Variants in SLC5A4 observed in about 807,000 individuals in gnomAD.
SLC5A4 encodes probable glucose sensor protein SLC5A4.
In SLC5A4, 55 loss-of-function variants were observed where a neutral mutation model predicts 70.3. The ratio of observed to expected loss-of-function variants is 0.78; its 90% CI spans 0.63 to 0.98. SLC5A4 has a LOEUF of 0.98. SLC5A4 is among the 50% of genes least tolerant of loss of function. The pLI is 0.00. For synonymous variants in SLC5A4, 268 were observed against 305.7 expected, an observed-to-expected ratio of 0.88 and a Z score of 1.29; for missense variants, 735 against 839.2, an observed-to-expected ratio of 0.88 and a Z score of 1.53.
At chr22:32,311,761 A>C in the SLC5A4 span, among the ~76,000 whole-genome samples, 2 of 152,042 alleles carry the variant, frequency 1.3e-5, no homozygotes, top group South Asian at 2.1e-4. Context: ...GCTTAGCCAG[A>C]ATGTGCTGAG....
At chr22:32,240,817 C>T (rs190178014) in intron 5 of SLC5A4, among the ~76,000 whole-genome samples, 126 of 152,280 alleles carry the variant, frequency 8.3e-4, no homozygotes, top group Admixed American at 1.2e-3. Flanking sequence ...AGGATTTAAA[C>T]CTGTGTGGTG....
chr22:32,225,762 GA>G lies in SLC5A4; in HGVS notation c.1341del (p.Gln448LysfsTer5). ...SIVWVPLVQV[S>X]QNGQLIHYTE... ...GTGTAATGGATTAGTTGTCCATTTT[GA>G]GAAACTTGTACCAGTGGGACCCACA... On this transcript the variant is annotated frameshift_variant, in exon 12 of 15. Transcript: ENST00000266086. LOFTEE classifies it high-confidence loss of function. The G allele has an allele frequency of 6.2e-7, 1 of 1,612,178 alleles. No homozygotes were observed.
rs1448642956 is a variant in SLC5A4 at position 32,224,425 on chromosome 22, CTG to C, written c.1505_1506del (p.Thr502ArgfsTer14). On this transcript the variant is annotated frameshift_variant, in exon 13 of 15. Transcript: ENST00000266086. LOFTEE classifies it high-confidence loss of function. ...CAACTCCCTGTTCCATAAGCAAACT[CTG>C]TTATCATACGAATGAGGCCCATTGC... ...GLAMGLIRMI[T>X]EFAYGTGSCL... 6.2e-7 allele frequency: 1 copy of C among 1,614,090 alleles called. No individual in the cohort carries two copies.
At chr22:32,336,973 G>C in the SLC5A4 span, among the ~76,000 whole-genome samples, 3 of 152,218 alleles carry the variant, frequency 2.0e-5, no homozygotes, top group Non-Finnish European at 2.9e-5. Flanking sequence ...AATGAACACG[G>C]ATTGTTCCAG....
the SLC5A4 span, among the ~76,000 whole-genome samples, chr22:32,301,834 T>A: frequency 2.9e-4 from 22 of 77,146 alleles, no homozygotes; most frequent in East Asian, 5.9e-3. Flanking sequence ...GGAACATAAT[T>A]TAAAGTACAA....
the SLC5A4 span, among the ~76,000 whole-genome samples, chr22:32,338,119 C>A: frequency 1.3e-5 from 2 of 152,096 alleles, no homozygotes; most frequent in African/African-American, 4.8e-5. Context: ...TAGAGCAAAT[C>A]TGAGTTTTCT....
At chr22:32,308,409 G>T in the SLC5A4 span, among the ~76,000 whole-genome samples, 1 of 152,204 alleles carries the variant, frequency 6.6e-6, no homozygotes, top group Non-Finnish European at 1.5e-5. Context: ...GATGTAAAGG[G>T]CCTGGCGCCA....
chr22:32,345,806 G>GT, the SLC5A4 span, among the ~76,000 whole-genome samples: 2 of 152,172 alleles, frequency 1.3e-5, no homozygotes, highest in African/African-American at 4.8e-5. Context: ...AGATTTACAA[G>GT]TAAGTTTTCC....
At chr22:32,288,913 GT>G in the SLC5A4 span, among the ~76,000 whole-genome samples, 2 of 152,158 alleles carry the variant, frequency 1.3e-5, no homozygotes, top group Non-Finnish European at 2.9e-5. Flanking sequence ...GAAAGGTGAT[GT>G]TTGAAAATTT....
chr22:32,292,062 C>A, the SLC5A4 span, among the ~76,000 whole-genome samples: 1 of 133,564 alleles, frequency 7.5e-6, no homozygotes, highest in Non-Finnish European at 1.5e-5. Flanking sequence ...TTAGTAGAGA[C>A]GGGGTTTTAG....
At chr22:32,322,970 T>C in the SLC5A4 span, among the ~76,000 whole-genome samples, 6 of 152,200 alleles carry the variant, frequency 3.9e-5, no homozygotes, top group Non-Finnish European at 8.8e-5. Flanking sequence ...TCTTTTTCCC[T>C]GTGTGTTCAC....
the SLC5A4 span, among the ~76,000 whole-genome samples, chr22:32,261,297 C>T: frequency 6.6e-6 from 1 of 152,208 alleles, no homozygotes; most frequent in Non-Finnish European, 1.5e-5. Context: ...CCTTAAGCTG[C>T]CCACTCCTTA....
intron 13 of SLC5A4, among the ~76,000 whole-genome samples, chr22:32,223,894 C>A (rs1453152591): frequency 2.0e-5 from 3 of 152,102 alleles, no homozygotes; most frequent in African/African-American, 7.2e-5. Context: ...TTTCCTGGAA[C>A]TCATACATGC....
At chr22:32,299,945 G>T in the SLC5A4 span, among the ~76,000 whole-genome samples, 6 of 127,368 alleles carry the variant, frequency 4.7e-5, no homozygotes, top group Admixed American at 4.1e-4. Flanking sequence ...CTGCTGGGGG[G>T]TGCCTTCCAG....
chr22:32,323,349 G>GGGA, the SLC5A4 span, among the ~76,000 whole-genome samples: 3 of 152,166 alleles, frequency 2.0e-5, no homozygotes, highest in Non-Finnish European at 4.4e-5. Context: ...GAGCCTGTAT[G>GGGA]TTCCCCCTTA....
intron 3 of SLC5A4, among the ~76,000 whole-genome samples, chr22:32,249,710 C>A (rs937816275): frequency 2.6e-5 from 4 of 152,182 alleles, no homozygotes; most frequent in African/African-American, 4.8e-5. Flanking sequence ...TATGCACATG[C>A]ATGTACATGA....
chr22:32,266,974 T>G, the SLC5A4 span, among the ~76,000 whole-genome samples: 1 of 152,240 alleles, frequency 6.6e-6, no homozygotes, highest in Non-Finnish European at 1.5e-5. Flanking sequence ...GTGAGTAAGT[T>G]TGACTAATTT....
chr22:32,309,711 C>A, the SLC5A4 span, among the ~76,000 whole-genome samples: 2 of 152,102 alleles, frequency 1.3e-5, no homozygotes, highest in East Asian at 3.9e-4. Context: ...ACACTTCTCA[C>A]CCCTCGGCTC....
chr22:32,237,178 A>T, intron 7 of SLC5A4, 66 bp downstream of exon 7: 2 of 1,115,128 alleles, frequency 1.8e-6, no homozygotes, highest in Non-Finnish European at 2.7e-6. Flanking sequence ...AAGAGCAGAC[A>T]GACCGAACAG....
Sources: allele counts gnomAD v4.1 joint callset (sites outside exome capture counted in the v4.1 genomes callset), GRCh38; gene constraint gnomAD v4.1.1; transcripts MANE v1.5; gene names NCBI Gene and HGNC (gene_info 2026-07-23, HGNC 2026-07-21).